Variants in TRIR observed in about 807,000 individuals in gnomAD.
TRIR encodes telomerase RNA component interacting RNase.
Under a neutral mutation model 18.2 loss-of-function variants are expected in TRIR, and 5 were observed. The observed-to-expected ratio is 0.27, with a 90% CI of 0.14 to 0.58. The LOEUF is 0.58. Ranked by LOEUF, TRIR falls within the 20% of genes least tolerant of loss-of-function variation. The pLI is 0.91. For missense variants in TRIR, 206 were observed against 252.8 expected, an observed-to-expected ratio of 0.81 and a Z score of 1.25; for synonymous variants, 134 against 114.4, an observed-to-expected ratio of 1.17 and a Z score of -1.10.
intron 1 of TRIR, among the ~76,000 whole-genome samples, chr19:12,732,524 G>A (rs1170317065): frequency 1.3e-5 from 2 of 151,858 alleles, no homozygotes; most frequent in Non-Finnish European, 2.9e-5. Flanking sequence ...AGGGCTTCCT[G>A]CGCTCCAGGG....
In TRIR at chr19:12,731,238, C is replaced by T. The variant is rs1405180403; in HGVS notation, c.423+106G>A. 3 of 1,415,386 alleles carry T rather than the reference C, an allele frequency of 2.1e-6. No homozygotes were observed. Among genetic ancestry groups the T allele is most frequent in the Non-Finnish European group, 3.0e-6 (3 of 1,004,776 alleles). 87.7% of individuals were successfully genotyped at this position (1,415,386 alleles called of 1,614,324 possible). A position where few individuals can be genotyped will look rare whatever the true frequency, so the allele number is the denominator to read the frequency against. ...TTGACAGCCCTCCTACCCTGCCAGG[C>T]ACACTCATAAAAGGCCTGGATACCA... On this transcript the variant is annotated intron_variant, in intron 2 of 2. Coordinates refer to ENST00000242784, the MANE Select transcript of TRIR (RefSeq NM_024038.4). The surrounding 1 kb of genome is among the most constrained non-coding windows in gnomAD (Gnocchi z 5.1).
At position 12,734,442 on chromosome 19, in the gene TRIR, C is replaced by T. The variant is rs1171921671; in HGVS notation, c.216G>A (p.Lys72=). ...GCCGCTGCCGCTGCTCCTCCTCCAT[C>T]TTCCGCTTGAACAGCTCCAGGAAGC... ...DGSFLELFKR[K]MEEEQRQRQE... Residue 72 remains lysine (K), a synonymous_variant, in exon 1 of 3, where the codon AAG becomes AAA. Coordinates refer to ENST00000242784, the MANE Select transcript of TRIR (RefSeq NM_024038.4). The surrounding 1 kb of genome is among the most constrained non-coding windows in gnomAD (Gnocchi z 4.1). 4.6e-6 allele frequency: 7 copies of T among 1,532,108 alleles called. No homozygotes were observed. In the African/African-American group the frequency reaches 7.1e-5, roughly 15 times the overall value. 94.9% of individuals were successfully genotyped at this position (1,532,108 alleles called of 1,614,324 possible).
chr19:12,730,652 T>C lies in TRIR; in HGVS notation c.*309A>G. 1 of 427,730 alleles carries C rather than the reference T, an allele frequency of 2.3e-6. No homozygotes were observed. 26.5% of individuals were successfully genotyped at this position (427,730 alleles called of 1,614,324 possible). On this transcript the variant is annotated 3_prime_UTR_variant, in exon 3 of 3. Transcript: ENST00000242784. Reference sequence around the variant, plus strand: ...CCAAGCACACAGCTCCGGCACTAAGTCAAGTTCTTTACTTCCCAGAAGTGA... The same window carrying C: ...CCAAGCACACAGCTCCGGCACTAAGCCAAGTTCTTTACTTCCCAGAAGTGA...
chr19:12,731,594 C>G lies in TRIR; in HGVS notation c.346-173G>C, dbSNP rs538691775. On this transcript the variant is annotated intron_variant, in intron 1 of 2. Coordinates refer to ENST00000242784, the MANE Select transcript of TRIR (RefSeq NM_024038.4). The surrounding 1 kb of genome is among the most constrained non-coding windows in gnomAD (Gnocchi z 5.1). ...TCAGAGAGGAGCACACGCGACTCAG[C>G]GCCTGCCCTGGGCCCGCGGTGCCCT... 2.3e-5 allele frequency: 15 copies of G among 660,312 alleles called. No homozygotes were observed. The East Asian group carries it at 3.9e-4, about 17-fold the overall frequency. 40.9% of individuals were successfully genotyped at this position (660,312 alleles called of 1,614,324 possible). A position where few individuals can be genotyped will look rare whatever the true frequency, so the allele number is the denominator to read the frequency against.
At position 12,734,199 on chromosome 19, in the gene TRIR, G is replaced by A. The variant is rs1967487351; in HGVS notation, c.345+114C>T. On this transcript the variant is annotated intron_variant, in intron 1 of 2. Coordinates refer to ENST00000242784, the MANE Select transcript of TRIR (RefSeq NM_024038.4). The surrounding 1 kb of genome is among the most constrained non-coding windows in gnomAD (Gnocchi z 4.1). The stretch of plus-strand genomic sequence containing the variant: ...CACACCCTCAGCGGGTGACCCGGAC[G>A]GGCCCCTCATTCAGAACGGAAAGTG... 2.8e-6 allele frequency: 3 copies of A among 1,071,992 alleles called. No homozygotes were observed. The highest frequency in any genetic ancestry group is 1.7e-5 in the African/African-American group (1 of 59,216). 66.4% of individuals were successfully genotyped at this position (1,071,992 alleles called of 1,614,324 possible). A position where few individuals can be genotyped will look rare whatever the true frequency, so the allele number is the denominator to read the frequency against.
At position 12,731,189 on chromosome 19, in the gene TRIR, AAAGTC is replaced by A. The variant is rs1197644046; in HGVS notation, c.424-126_424-122del. The A allele has an allele frequency of 2.4e-6, 3 of 1,267,154 alleles. No homozygotes were observed. The highest frequency in any genetic ancestry group is 3.0e-5 in the African/African-American group (2 of 67,698). The allele number at this position is 1,267,154 out of a possible 1,614,324, so 78.5% of individuals were successfully genotyped here. A position where few individuals can be genotyped will look rare whatever the true frequency, so the allele number is the denominator to read the frequency against. Reference sequence around the variant, plus strand: ...ACTCTGGGTTTGAGCTGAAGATTATAAAGTCAAGTTATCTGGGGACCCATTGACAG... The same window carrying A: ...ACTCTGGGTTTGAGCTGAAGATTATAAAGTTATCTGGGGACCCATTGACAG... On this transcript the variant is annotated intron_variant, in intron 2 of 2. Transcript: ENST00000242784. This position sits in a 1 kb window ranked among gnomAD's most constrained non-coding sequence, Gnocchi z 5.1.
chr19:12,734,292 C>T lies in TRIR; in HGVS notation c.345+21G>A. 2 of 1,385,352 alleles carry T rather than the reference C, an allele frequency of 1.4e-6. No homozygotes were observed. The highest frequency in any genetic ancestry group is 1.9e-6 in the Non-Finnish European group (2 of 1,070,500). 85.8% of individuals were successfully genotyped at this position (1,385,352 alleles called of 1,614,324 possible). ...GCCAAGACAGGCCGTGGCGCCCGCC[C>T]CCACCCCCACGGCTCCTTACGAAGC... is the stretch of plus-strand genomic sequence containing the variant. On this transcript the variant is annotated intron_variant, in intron 1 of 2. Transcript: ENST00000242784. This position sits in a 1 kb window ranked among gnomAD's most constrained non-coding sequence, Gnocchi z 4.1.
At position 12,734,466 on chromosome 19, in the gene TRIR, G is replaced by A; in HGVS notation, c.192C>T (p.Ser64=). ...TCTTCCGCTTGAACAGCTCCAGGAA[G>A]CTGCCGTCGTTGGCGAACAAGTTCA... ...GGVNLFANDG[S]FLELFKRKME... The change falls in exon 1 of 3, where the codon AGC becomes AGT. Residue 64 remains serine (S), a synonymous_variant. Coordinates refer to ENST00000242784, the MANE Select transcript of TRIR (RefSeq NM_024038.4). This position sits in a 1 kb window ranked among gnomAD's most constrained non-coding sequence, Gnocchi z 4.1. The A allele has an allele frequency of 6.5e-7, 1 of 1,535,018 alleles. No individual in the cohort carries two copies. Among genetic ancestry groups the A allele is most frequent in the Non-Finnish European group, 8.8e-7 (1 of 1,142,636 alleles).
At chr19:12,732,648 G>A (rs754248770) in intron 1 of TRIR, among the ~76,000 whole-genome samples, 6 of 151,138 alleles carry the variant, frequency 4.0e-5, no homozygotes, top group Non-Finnish European at 8.8e-5. Flanking sequence ...GGAGTGCAGT[G>A]GCATGATCTC....
chr19:12,731,205 G>C lies in TRIR; in HGVS notation c.424-137C>G. ...GAAGATTATAAAGTCAAGTTATCTG[G>C]GGACCCATTGACAGCCCTCCTACCC... On this transcript the variant is annotated intron_variant, in intron 2 of 2. Transcript: ENST00000242784. The surrounding 1 kb of genome is among the most constrained non-coding windows in gnomAD (Gnocchi z 5.1). The C allele has an allele frequency of 1.6e-6, 2 of 1,258,476 alleles. No individual in the cohort carries two copies. The highest frequency in any genetic ancestry group is 2.3e-6 in the Non-Finnish European group (2 of 864,600). 78.0% of individuals were successfully genotyped at this position (1,258,476 alleles called of 1,614,324 possible).
chr19:12,731,158 C>A lies in TRIR; in HGVS notation c.424-90G>T. ...CAGGTGACCCATTCCCAGTGTCACC[C>A]AGAAGACTCTGGGTTTGAGCTGAAG... On this transcript the variant is annotated intron_variant, in intron 2 of 2. Coordinates refer to ENST00000242784, the MANE Select transcript of TRIR (RefSeq NM_024038.4). The surrounding 1 kb of genome is among the most constrained non-coding windows in gnomAD (Gnocchi z 5.1). The A allele has an allele frequency of 7.6e-7, 1 of 1,313,212 alleles. No homozygotes were observed. Among genetic ancestry groups the A allele is most frequent in the Non-Finnish European group, 1.1e-6 (1 of 908,454 alleles). The allele number at this position is 1,313,212 out of a possible 1,614,324, so 81.3% of individuals were successfully genotyped here.
At chr19:12,732,080 C>A (rs1001706220) in intron 1 of TRIR, among the ~76,000 whole-genome samples, 1 of 138,908 alleles carries the variant, frequency 7.2e-6, no homozygotes, top group African/African-American at 2.7e-5. Flanking sequence ...GCCGAGGTTG[C>A]ACCATTGCAC....
At chr19:12,733,187 G>A (rs1005663556) in intron 1 of TRIR, among the ~76,000 whole-genome samples, 10 of 152,114 alleles carry the variant, frequency 6.6e-5, no homozygotes, top group Admixed American at 3.9e-4. Flanking sequence ...GGAATTACAG[G>A]TGTGAGCCAC....
chr19:12,730,801 T>TA lies in TRIR; in HGVS notation c.*159dup, dbSNP rs547046574. The TA allele has an allele frequency of 3.9e-4, 257 of 658,966 alleles. No individual in the cohort carries two copies. Among genetic ancestry groups the TA allele is most frequent in the Non-Finnish European group, 5.3e-4 (202 of 378,610 alleles). 40.8% of individuals were successfully genotyped at this position (658,966 alleles called of 1,614,324 possible). On this transcript the variant is annotated 3_prime_UTR_variant, in exon 3 of 3. Coordinates refer to ENST00000242784, the MANE Select transcript of TRIR (RefSeq NM_024038.4). ...AGTCTCACGAGGCAAGTGCTCAAGG[T>TA]AAAAAAAGAGTCCTGGAGAATCGTC...
At position 12,734,189 on chromosome 19, in the gene TRIR, T is replaced by C; in HGVS notation, c.345+124A>G. Reference sequence around the variant, plus strand: ...ATCCAAGTTCCACACCCTCAGCGGGTGACCCGGACGGGCCCCTCATTCAGA... The same window carrying C: ...ATCCAAGTTCCACACCCTCAGCGGGCGACCCGGACGGGCCCCTCATTCAGA... On this transcript the variant is annotated intron_variant, in intron 1 of 2. Transcript: ENST00000242784. The surrounding 1 kb of genome is among the most constrained non-coding windows in gnomAD (Gnocchi z 4.1). 10 of 1,006,780 alleles carry C rather than the reference T, an allele frequency of 9.9e-6. No individual in the cohort carries two copies. In the South Asian group the frequency reaches 2.0e-4, roughly 20 times the overall value. 62.4% of individuals were successfully genotyped at this position (1,006,780 alleles called of 1,614,324 possible). A position where few individuals can be genotyped will look rare whatever the true frequency, so the allele number is the denominator to read the frequency against.
Position 12,730,890 on chromosome 19 carries a change from C to T in TRIR, c.*71G>A, listed in dbSNP as rs1271784108. The stretch of plus-strand genomic sequence containing the variant: ...AAGTCCTCTCAGGGAAGGCTGTCGC[C>T]GCTGCCGCTGCATTAAATAGTTATG... On this transcript the variant is annotated 3_prime_UTR_variant, in exon 3 of 3. Coordinates refer to ENST00000242784, the MANE Select transcript of TRIR (RefSeq NM_024038.4). The T allele has an allele frequency of 2.6e-5, 36 of 1,407,060 alleles. No homozygotes were observed. Among genetic ancestry groups the T allele is most frequent in the Admixed American group, 5.1e-5 (3 of 58,718 alleles). 87.2% of individuals were successfully genotyped at this position (1,407,060 alleles called of 1,614,324 possible).
At chr19:12,732,951 T>A (rs1342416676) in intron 1 of TRIR, among the ~76,000 whole-genome samples, 4 of 152,100 alleles carry the variant, frequency 2.6e-5, no homozygotes, top group Non-Finnish European at 5.9e-5. Context: ...TCATCCAGGC[T>A]AGAGCGCAGT....
Position 12,731,326 on chromosome 19 carries a change from T to C in TRIR, c.423+18A>G, listed in dbSNP as rs1247460478. On this transcript the variant is annotated intron_variant, in intron 2 of 2. Coordinates refer to ENST00000242784, the MANE Select transcript of TRIR (RefSeq NM_024038.4). The surrounding 1 kb of genome is among the most constrained non-coding windows in gnomAD (Gnocchi z 5.1). The stretch of plus-strand genomic sequence containing the variant: ...GGAAAGGCAATGTGGGTGGACCCCC[T>C]GCACCAAGCTGGCTCACCTCATCCT... 1.2e-6 allele frequency: 2 copies of C among 1,612,656 alleles called. No homozygotes were observed. Among genetic ancestry groups the C allele is most frequent in the Middle Eastern group, 1.7e-4 (1 of 6,056 alleles).
chr19:12,731,743 GTACTGTA>G lies in TRIR; in HGVS notation c.346-329_346-323del. The G allele has an allele frequency of 2.9e-6, 1 of 350,110 alleles. No homozygotes were observed. Among genetic ancestry groups the G allele is most frequent in the South Asian group, 4.5e-5 (1 of 22,068 alleles). The allele number at this position is 350,110 out of a possible 1,614,324, so 21.7% of individuals were successfully genotyped here. The stretch of plus-strand genomic sequence containing the variant: ...GGCAACAGCTCCCTTTATTGAGCAT[GTACTGTA>G]TGCCAAGCCCTGTGCCAAGTGCTGT... On this transcript the variant is annotated intron_variant, in intron 1 of 2. Coordinates refer to ENST00000242784, the MANE Select transcript of TRIR (RefSeq NM_024038.4). This position sits in a 1 kb window ranked among gnomAD's most constrained non-coding sequence, Gnocchi z 5.1.
Sources: gnomAD v4.1 joint callset for allele counts (sites outside exome capture counted in the v4.1 genomes callset) on GRCh38, gnomAD v4.1.1 for gene constraint, Gnocchi (gnomAD v3.1) non-coding constraint, MANE v1.5 for transcripts, NCBI Gene and HGNC (gene_info 2026-07-23, HGNC 2026-07-21) for gene names.